The following ALG9 variants were observed in gnomAD, a reference collection of about 807,000 sequenced individuals.
The protein encoded by ALG9 is alpha-1,2-mannosyltransferase ALG9.
Under a neutral mutation model 81.8 loss-of-function variants are expected in ALG9, and 55 were observed. The ratio of observed to expected loss-of-function variants is 0.67; its 90% CI spans 0.54 to 0.84. ALG9 has a LOEUF of 0.84. Among genes scored for constraint, ALG9 ranks in the 40% least tolerant of loss-of-function variants. The pLI is 0.00. For synonymous variants in ALG9, 278 were observed against 274.3 expected (o/e 1.01, Z -0.13); for missense variants, 629 against 745.0 (o/e 0.84, Z 1.81).
intron 14 of ALG9, among the ~76,000 whole-genome samples, chr11:111,787,232 A>G (rs1319948790): frequency 1.3e-5 from 2 of 151,998 alleles, no homozygotes; most frequent in African/African-American, 2.4e-5. Flanking sequence ...GGAGTTCGAG[A>G]CCAGCCAGAC....
At chr11:111,870,895 CT>C (rs1319833861) in intron 1 of ALG9, 6 of 999,472 alleles carry the variant, frequency 6.0e-6, no homozygotes, top group African/African-American at 1.7e-5. Flanking sequence ...GGTACATAGC[CT>C]ACTCCAATTC....
At chr11:111,836,050 T>TA (rs1955195792) in intron 13 of ALG9, 115 bp downstream of exon 13, 3 of 1,460,930 alleles carry the variant, frequency 2.1e-6, no homozygotes, top group Admixed American at 1.7e-5. Context: ...CACCCGGCCT[T>TA]AAAAAAATTG....
At chr11:111,858,187 G>A (rs1319416383) in intron 5 of ALG9, among the ~76,000 whole-genome samples, 4 of 152,066 alleles carry the variant, frequency 2.6e-5, no homozygotes, top group Non-Finnish European at 2.9e-5. Context: ...TGCCTGTCTC[G>A]ACCTCCCAAA....
At chr11:111,802,659 T>C (rs1269697759) in intron 14 of ALG9, among the ~76,000 whole-genome samples, 8 of 152,206 alleles carry the variant, frequency 5.3e-5, no homozygotes, top group African/African-American at 1.9e-4. Flanking sequence ...ATGTAAACTA[T>C]ACTGCAATAA....
At chr11:111,794,609 C>CTCTCT (rs1947953338) in intron 14 of ALG9, among the ~76,000 whole-genome samples, 3 of 151,982 alleles carry the variant, frequency 2.0e-5, no homozygotes, top group South Asian at 4.1e-4. Flanking sequence ...CTTCCTTCTC[C>CTCTCT]TCTCTTCTCT....
chr11:111,867,677 CT>C (rs1566282243), intron 3 of ALG9, among the ~76,000 whole-genome samples: 1 of 152,170 alleles, frequency 6.6e-6, no homozygotes, highest in East Asian at 1.9e-4. Context: ...AGTTTGAGAT[CT>C]TCCTGATTCT....
intron 14 of ALG9, chr11:111,805,410 A>C (rs1555084246): frequency 4.5e-6 from 2 of 444,110 alleles, no homozygotes; most frequent in East Asian, 7.0e-5. Flanking sequence ...CTTGGAAGCA[A>C]CCAAAGATGT....
chr11:111,822,515 C>T (rs1952594509), intron 13 of ALG9, among the ~76,000 whole-genome samples: 1 of 151,506 alleles, frequency 6.6e-6, no homozygotes, highest in Non-Finnish European at 1.5e-5. Flanking sequence ...AGTTTAAGAC[C>T]AACCTGGGCA....
chr11:111,812,915 C>CAAAAAAAAAAA (rs57311061), intron 13 of ALG9, among the ~76,000 whole-genome samples: 22 of 98,752 alleles, frequency 2.2e-4, no homozygotes, highest in African/African-American at 7.9e-4. Flanking sequence ...GACTCTGTCT[C>CAAAAAAAAAAA]AAAAAAAAAA....
the ALG9 span, among the ~76,000 whole-genome samples, chr11:111,777,028 A>G: frequency 6.6e-6 from 1 of 152,252 alleles, no homozygotes; most frequent in Non-Finnish European, 1.5e-5. Flanking sequence ...GGCACTATCA[A>G]TAAATTACCA....
chr11:111,788,675 C>T, intron 14 of ALG9: 1 of 354,030 alleles, frequency 2.8e-6, no homozygotes, highest in Non-Finnish European at 5.5e-6. Context: ...AGACCATAAG[C>T]CCAGGAGGTT....
intron 4 of ALG9, among the ~76,000 whole-genome samples, chr11:111,862,720 A>G (rs1960763691): frequency 6.7e-6 from 1 of 150,136 alleles, no homozygotes; most frequent in African/African-American, 2.4e-5. Context: ...ATATTATATA[A>G]TATTACATAT....
intron 14 of ALG9, among the ~76,000 whole-genome samples, chr11:111,798,860 T>A (rs1020801101): frequency 6.6e-6 from 1 of 152,186 alleles, no homozygotes; most frequent in East Asian, 1.9e-4. Flanking sequence ...GGTCTGGGGT[T>A]TGTAGGCCTC....
chr11:111,847,344 G>A (rs868963901), intron 8 of ALG9, among the ~76,000 whole-genome samples: 1 of 152,230 alleles, frequency 6.6e-6, no homozygotes, highest in African/African-American at 2.4e-5. Context: ...GGTATCGTCT[G>A]AAACTTTCCA....
intron 13 of ALG9, among the ~76,000 whole-genome samples, chr11:111,821,111 T>A (rs1952288234): frequency 6.6e-6 from 1 of 152,292 alleles, no homozygotes; most frequent in South Asian, 2.1e-4. Context: ...ATAAAATTTT[T>A]TAAAAAGTAA....
chr11:111,800,179 C>T (rs1406824759), intron 14 of ALG9, among the ~76,000 whole-genome samples: 2 of 152,024 alleles, frequency 1.3e-5, no homozygotes, highest in African/African-American at 4.8e-5. Context: ...CCTTTATGTG[C>T]CTTAAAGAAT....
At chr11:111,864,586 C>G in intron 4 of ALG9, 3 of 519,150 alleles carry the variant, frequency 5.8e-6, no homozygotes, top group Middle Eastern at 5.5e-4. Flanking sequence ...ATACGAACTT[C>G]TAGTTTCATC....
chr11:111,817,187 T>A (rs1429588203), intron 13 of ALG9: 1 of 152,152 alleles, frequency 6.6e-6, no homozygotes, highest in East Asian at 1.9e-4. Context: ...GCATCAGGAA[T>A]CTATTCTAGG....
intron 3 of ALG9, among the ~76,000 whole-genome samples, chr11:111,866,630 A>C (rs1383043983): frequency 6.6e-6 from 1 of 151,950 alleles, no homozygotes; most frequent in Non-Finnish European, 1.5e-5. Flanking sequence ...TGTGCACATC[A>C]GTGATGTAAC....
Sources: allele counts gnomAD v4.1 joint callset (sites outside exome capture counted in the v4.1 genomes callset), GRCh38; gene constraint gnomAD v4.1.1; transcripts MANE v1.5; gene names NCBI Gene and HGNC (gene_info 2026-07-23, HGNC 2026-07-21).